The following CHRNA7 variants were observed in gnomAD, a reference collection of about 807,000 sequenced individuals.
CHRNA7 encodes cholinergic receptor nicotinic alpha 7 subunit.
A neutral mutation model predicts 48.0 loss-of-function variants in CHRNA7; 17 were observed. The ratio of observed to expected loss-of-function variants is 0.35; its 90% CI spans 0.24 to 0.53. The LOEUF is 0.53. Among genes scored for constraint, CHRNA7 ranks in the 20% least tolerant of loss-of-function variants. The pLI is 0.92. For synonymous variants in CHRNA7, 75 were observed against 242.3 expected (o/e 0.31, Z 6.41); for missense variants, 155 against 577.7 (o/e 0.27, Z 7.50).
chr15:32,051,085 CG>C (rs2049664968), intron 2 of CHRNA7, among the ~76,000 whole-genome samples: 1 of 151,750 alleles, frequency 6.6e-6, no homozygotes, highest in East Asian at 1.9e-4. Flanking sequence ...TTAGGCTGCT[CG>C]GGGGTCAGGG....
intron 4 of CHRNA7, among the ~76,000 whole-genome samples, chr15:32,137,835 A>T (rs1309224238): frequency 3.3e-5 from 5 of 152,246 alleles, no homozygotes; most frequent in African/African-American, 1.2e-4. Context: ...TAGAAAAGAT[A>T]CTTGTCTAAG....
chr15:32,111,583 C>A, intron 3 of CHRNA7: 1 of 516,046 alleles, frequency 1.9e-6, no homozygotes, highest in Admixed American at 3.5e-5. Flanking sequence ...ATGGTGACAG[C>A]AGAACCTTAA....
rs540282471 is a variant in CHRNA7, at chr15:32,138,236, G to C, written c.351-15671G>C. The stretch of plus-strand genomic sequence containing the variant: ...ACAAACATTTACTGGATATAAAAGG[G>C]GTTTTCAACTACAGAAAAATACTTA... On this transcript the variant is annotated intron_variant, in intron 4 of 9. Coordinates refer to ENST00000306901, the MANE Select transcript of CHRNA7 (RefSeq NM_000746.6). 3.9e-3 allele frequency among the ~76,000 whole-genome samples: 597 copies of C among 151,910 alleles called. 3 individuals carry two copies. Among genetic ancestry groups the C allele is most frequent in the Non-Finnish European group, 5.9e-3 (404 of 67,952 alleles).
At chr15:32,036,249 T>C (rs181393812) in intron 2 of CHRNA7, among the ~76,000 whole-genome samples, 137 of 152,366 alleles carry the variant, frequency 9.0e-4, no homozygotes, top group Non-Finnish European at 1.5e-3. Context: ...CCATACTCTT[T>C]CATGGCTTGA....
rs546211201 is a variant in CHRNA7 at position 32,087,356 on chromosome 15, C to G, written c.196-13947C>G. On this transcript the variant is annotated intron_variant, in intron 2 of 9. Coordinates refer to ENST00000306901, the MANE Select transcript of CHRNA7 (RefSeq NM_000746.6). ...TCACTCATTTTCCTTCTTTCTGGCT[C>G]TACAGTATGTTCCAGGTTCATCTGG... Among the ~76,000 whole-genome samples the G allele has an allele frequency of 4.6e-5, 7 of 152,226 alleles. No homozygotes were observed. The South Asian group carries it at 1.5e-3, about 32-fold the overall frequency.
chr15:32,107,965 C>G (rs980125469), intron 3 of CHRNA7, among the ~76,000 whole-genome samples: 1 of 152,162 alleles, frequency 6.6e-6, no homozygotes, highest in African/African-American at 2.4e-5. Flanking sequence ...TCAGGAAATT[C>G]CCAGGGCTTT....
At chr15:32,151,590 A>G (rs1272167295) in intron 4 of CHRNA7, among the ~76,000 whole-genome samples, 1 of 151,980 alleles carries the variant, frequency 6.6e-6, no homozygotes, top group Non-Finnish European at 1.5e-5. Flanking sequence ...CTTGTCCTCT[A>G]CGCTGTCTTC....
At chr15:32,146,183 A>G (rs1437736892) in intron 4 of CHRNA7, among the ~76,000 whole-genome samples, 2 of 152,244 alleles carry the variant, frequency 1.3e-5, no homozygotes, top group East Asian at 3.8e-4. Flanking sequence ...AAGTCCATTA[A>G]TATAATTCAT....
At chr15:32,044,835 A>G (rs2049511538) in intron 2 of CHRNA7, among the ~76,000 whole-genome samples, 1 of 152,218 alleles carries the variant, frequency 6.6e-6, no homozygotes, top group African/African-American at 2.4e-5. Flanking sequence ...ACTCCTCAAG[A>G]AAAAGAATTA....
At chr15:32,041,512 G>C (rs1460222949) in intron 2 of CHRNA7, among the ~76,000 whole-genome samples, 1 of 152,258 alleles carries the variant, frequency 6.6e-6, no homozygotes, top group African/African-American at 2.4e-5. Flanking sequence ...AATGCTCCCT[G>C]ACCTGCCCCT....
chr15:32,076,754 A>G (rs894375920), intron 2 of CHRNA7, among the ~76,000 whole-genome samples: 3 of 152,116 alleles, frequency 2.0e-5, no homozygotes, highest in African/African-American at 7.2e-5. Flanking sequence ...CATTGTTACG[A>G]TTGACAAACC....
chr15:32,112,256 G>T (rs1368057441), intron 4 of CHRNA7: 1 of 468,274 alleles, frequency 2.1e-6, no homozygotes, highest in Non-Finnish European at 4.3e-6. Context: ...CCAACAGCAG[G>T]AAGTGCTGGC....
chr15:32,041,944 T>C (rs906658927), intron 2 of CHRNA7, among the ~76,000 whole-genome samples: 2 of 152,232 alleles, frequency 1.3e-5, no homozygotes, highest in African/African-American at 4.8e-5. Context: ...AGCTTATTAA[T>C]CATAGTTGTT....
chr15:32,051,305 G>A (rs190009645), intron 2 of CHRNA7, among the ~76,000 whole-genome samples: 62 of 152,288 alleles, frequency 4.1e-4, no homozygotes, highest in African/African-American at 1.2e-3. Flanking sequence ...GCTCCACCCA[G>A]TTGGAGCTTC....
At chr15:32,032,261 G>T (rs954250600) in intron 2 of CHRNA7, among the ~76,000 whole-genome samples, 2 of 152,178 alleles carry the variant, frequency 1.3e-5, no homozygotes, top group Non-Finnish European at 2.9e-5. Flanking sequence ...TGTAGGGGAA[G>T]GCAGGTTCAG....
intron 4 of CHRNA7, among the ~76,000 whole-genome samples, chr15:32,147,065 C>T (rs1399221561): frequency 6.6e-6 from 1 of 152,218 alleles, no homozygotes; most frequent in African/African-American, 2.4e-5. Context: ...TGTTAATCTT[C>T]TCCCATGTTA....
At chr15:32,157,411 G>C (rs2051761961) in intron 5 of CHRNA7, 197 bp from the exon 6 acceptor site, 1 of 395,972 alleles carries the variant, frequency 2.5e-6, no homozygotes, top group Non-Finnish European at 4.8e-6. Context: ...TGTTACGTTT[G>C]GATTTTAAAA....
intron 9 of CHRNA7, 106 bp from the exon 10 acceptor site, chr15:32,167,834 A>AC: frequency 1.2e-6 from 1 of 804,612 alleles, no homozygotes; most frequent in South Asian, 2.4e-5. Flanking sequence ...GGAGGCTGCT[A>AC]CCCCCAGGAC....
intron 2 of CHRNA7, among the ~76,000 whole-genome samples, chr15:32,067,923 G>A (rs1471865325): frequency 6.6e-6 from 1 of 152,164 alleles, no homozygotes; most frequent in Non-Finnish European, 1.5e-5. Context: ...ATGGTACAGT[G>A]GAGAACATCT....
Sources: gnomAD v4.1 joint callset for allele counts (sites outside exome capture counted in the v4.1 genomes callset) on GRCh38, gnomAD v4.1.1 for gene constraint, MANE v1.5 for transcripts, NCBI Gene and HGNC (gene_info 2026-07-23, HGNC 2026-07-21) for gene names.